MYH1: variants seen among roughly 807,000 people sequenced by gnomAD.
MYH1 encodes myosin-1.
MYH1 carries 214 observed loss-of-function variants against 225.6 expected under a neutral mutation model. The observed-to-expected ratio is 0.95, with a 90% confidence interval of 0.85 to 1.06. The LOEUF is 1.06. Among genes scored for constraint, MYH1 ranks in the 50% least tolerant of loss-of-function variants. The pLI is 0.00. For missense variants in MYH1, 2,098 were observed against 2,344.2 expected (o/e 0.89, Z 2.17); for synonymous variants, 774 against 842.3 (o/e 0.92, Z 1.40).
intron 24 of MYH1, among the ~76,000 whole-genome samples, chr17:10,502,487 G>T (rs1451367230): frequency 6.6e-6 from 1 of 152,058 alleles, no homozygotes; most frequent in Non-Finnish European, 1.5e-5. Context: ...TTTTCTTTGT[G>T]AACACATTAA....
In MYH1 at chr17:10,516,212, G is replaced by A. The variant is rs759178467; in HGVS notation, c.335C>T (p.Ala112Val). Reference sequence around the variant, plus strand: ...GAAAGAACTCACGTAGATCATCCAGGCTGCGTAGCGCTCTTTGAGGTTGTA... The same window carrying A: ...GAAAGAACTCACGTAGATCATCCAGACTGCGTAGCGCTCTTTGAGGTTGTA... ...VLYNLKERYA[A>V]WMIYTYSGLF... The change falls in exon 4 of 40, where the codon GCC becomes GTC. Residue 112 changes from alanine to valine, a missense_variant. Transcript: ENST00000226207. 10 of 1,614,154 alleles carry A rather than the reference G, an allele frequency of 6.2e-6. No homozygotes were observed. Among genetic ancestry groups the A allele is most frequent in the Non-Finnish European group, 8.5e-6 (10 of 1,180,018 alleles).
At chr17:10,514,225 A>G (rs963055427) in intron 6 of MYH1, 101 bp from the exon 7 acceptor site, 76 of 1,372,064 alleles carry the variant, frequency 5.5e-5, no homozygotes, top group Middle Eastern at 1.8e-4. Flanking sequence ...AGCCTTTTAC[A>G]TCTTTCTTTT....
chr17:10,497,342 AT>A lies in MYH1; in HGVS notation c.4475del (p.Tyr1492LeufsTer5), dbSNP rs760054188. ...TTTCAAGTTGGTCTAAAGATTCCTC[AT>A]AAGCATTCTTAATCTTAAATAGTTC... ...STELFKIKNA[Y>X]EESLDQLETL... is the part of the protein sequence containing the mutation. On this transcript the variant is annotated frameshift_variant, in exon 32 of 40. Coordinates refer to ENST00000226207, the MANE Select transcript of MYH1 (RefSeq NM_005963.4). LOFTEE classifies it high-confidence loss of function. The A allele has an allele frequency of 6.2e-7, 1 of 1,613,300 alleles. No individual in the cohort carries two copies. The highest frequency in any genetic ancestry group is 1.3e-5 in the African/African-American group (1 of 75,040).
At chr17:10,494,264 C>T in intron 39 of MYH1, 90 bp downstream of exon 39, 3 of 1,276,294 alleles carry the variant, frequency 2.4e-6, no homozygotes, top group Non-Finnish European at 3.3e-6. Context: ...TTTGATCCTT[C>T]CTCATTTTAC....
At position 10,515,974 on chromosome 17, in the gene MYH1, G is replaced by A. The variant is rs774469687; in HGVS notation, c.457C>T (p.Pro153Ser). ...TTGTCAGAGATGGAGAAGATGTGGG[G>A]TGGGGCCTCCTGGCGCTTTTTGCCT... ...YRGKKRQEAP[P>S]HIFSISDNAY... The change falls in exon 5 of 40, where the codon CCC (proline) becomes TCC (serine). Residue 153 changes from proline to serine, a missense_variant. Physicochemically the swap from Pro to Ser is moderately conservative, Grantham distance 74. Coordinates refer to ENST00000226207, the MANE Select transcript of MYH1 (RefSeq NM_005963.4). 6 of 1,614,092 alleles carry A rather than the reference G, an allele frequency of 3.7e-6. No individual in the cohort carries two copies. The highest frequency in any genetic ancestry group is 5.1e-6 in the Non-Finnish European group (6 of 1,180,056).
intron 39 of MYH1, 119 bp downstream of exon 39, chr17:10,494,235 A>G: frequency 1.0e-6 from 1 of 980,656 alleles, no homozygotes; most frequent in Non-Finnish European, 1.5e-6. Flanking sequence ...TTGGACCTCC[A>G]TGTAGCCATT....
chr17:10,512,734 C>T lies in MYH1; in HGVS notation c.955G>A (p.Gly319Arg). ...TCAATGCTGGGCACTGTGATCTCCCCTTGACTGACGAAGGCATAATCGTAT... is the reference window on the plus strand; with the variant it reads ...TCAATGCTGGGCACTGTGATCTCCCTTTGACTGACGAAGGCATAATCGTAT... Reference protein sequence around the residue: ...NPYDYAFVSQGEITVPSIDDQ... With the variant: ...NPYDYAFVSQREITVPSIDDQ... Residue 319 changes from glycine to arginine, a missense_variant, in exon 11 of 40, where the codon GGG becomes AGG. Physicochemically the swap from Gly to Arg is moderately radical, Grantham distance 125 (BLOSUM62 -2). Transcript: ENST00000226207. 1 of 1,613,960 alleles carries T rather than the reference C, an allele frequency of 6.2e-7. No individual in the cohort carries two copies. Among genetic ancestry groups the T allele is most frequent in the Non-Finnish European group, 8.5e-7 (1 of 1,179,972 alleles).
chr17:10,494,802 A>G (rs1159603834), intron 37 of MYH1, 129 bp from the exon 38 acceptor site: 2 of 1,586,792 alleles, frequency 1.3e-6, no homozygotes, highest in Non-Finnish European at 1.7e-6. Flanking sequence ...CCTTATTATG[A>G]GCTTTTGGGC....
At chr17:10,508,025 T>TG in intron 16 of MYH1, 69 bp from the exon 17 acceptor site, 2 of 1,368,060 alleles carry the variant, frequency 1.5e-6, no homozygotes, top group Non-Finnish European at 2.0e-6. Context: ...TTTGTTTTTT[T>TG]TTGTTTTTTT....
In MYH1 at chr17:10,497,880, G is replaced by GT. The variant is rs1355248285; in HGVS notation, c.4218dup (p.His1407ThrfsTer13). ...CATTTGGCATTCACAGCTTCTACAT[G>GT]TTCCTCAGCATCCTGCAGACGCTGA... On this transcript the variant is annotated frameshift_variant, in exon 31 of 40. Transcript: ENST00000226207. LOFTEE classifies it high-confidence loss of function. 15 of 1,611,340 alleles carry GT rather than the reference G, an allele frequency of 9.3e-6. 1 individual carries two copies. In the South Asian group the frequency reaches 1.7e-4, roughly 18 times the overall value.
At position 10,515,958 on chromosome 17, in the gene MYH1, A is replaced by G. The variant is rs2073222277; in HGVS notation, c.473T>C (p.Ile158Thr). Reference protein sequence around the residue: ...RQEAPPHIFSISDNAYQFMLT... With the variant: ...RQEAPPHIFSTSDNAYQFMLT... ...CATGAACTGATAGGCATTGTCAGAG[A>G]TGGAGAAGATGTGGGGTGGGGCCTC... The change falls in exon 5 of 40, where the codon ATC (isoleucine) becomes ACC (threonine). Residue 158 changes from isoleucine (I) to threonine (T), a missense_variant. By Grantham distance (89) the Ile-to-Thr change is moderately conservative. Transcript: ENST00000226207. The G allele has an allele frequency of 1.2e-6, 2 of 1,614,036 alleles. No individual in the cohort carries two copies. Among genetic ancestry groups the G allele is most frequent in the African/African-American group, 1.3e-5 (1 of 74,922 alleles).
intron 32 of MYH1, 27 bp downstream of exon 32, chr17:10,497,260 G>T: frequency 1.3e-6 from 2 of 1,591,400 alleles, no homozygotes; most frequent in South Asian, 1.2e-5. Context: ...ATCTTTTATT[G>T]TTAAAGAAAA....
At chr17:10,494,490 A>G in intron 38 of MYH1, 41 bp from the exon 39 acceptor site, 1 of 1,611,504 alleles carries the variant, frequency 6.2e-7, no homozygotes, top group South Asian at 1.1e-5. Flanking sequence ...TGAAAGTACA[A>G]ATATTACATT....
rs1413124043 is a variant in MYH1, at chr17:10,501,385, C to T, written c.3463G>A (p.Glu1155Lys). Residue 1155 changes from glutamate (E) to lysine (K), a missense_variant, in exon 27 of 40, where the codon GAA (glutamate) becomes AAA (lysine). Transcript: ENST00000226207. ...RELEEISERLEEAGGATSAQI... is the reference protein window; with the variant it reads ...RELEEISERLKEAGGATSAQI... ...GCTGAGGTGGCCCCACCGGCTTCTT[C>T]CAGCCTCTCGCTGATCTCCTCCAGC... 1 of 1,614,172 alleles carries T rather than the reference C, an allele frequency of 6.2e-7. No individual in the cohort carries two copies.
Position 10,506,115 on chromosome 17 carries a change from AGT to A in MYH1, c.1969-18_1969-17del, listed in dbSNP as rs1316839699. ...TCAAATTCTCCTGTGGAACCATGCG[AGT>A]TTATACTTTAAAAAATGTACTGTTT... On this transcript the variant is annotated splice_polypyrimidine_tract_variant and intron_variant, in intron 17 of 39. Transcript: ENST00000226207. 1 of 1,613,836 alleles carries A rather than the reference AGT, an allele frequency of 6.2e-7. No individual in the cohort carries two copies. The highest frequency in any genetic ancestry group is 1.3e-5 in the African/African-American group (1 of 74,932).
At chr17:10,502,034 C>A (rs1482485383) in intron 24 of MYH1, 123 bp from the exon 25 acceptor site, 1 of 964,312 alleles carries the variant, frequency 1.0e-6, no homozygotes, top group African/African-American at 1.7e-5. Flanking sequence ...AGATTTGTCC[C>A]ATTGATTCCA....
rs536145928 is a variant in MYH1 at position 10,495,856 on chromosome 17, AT to A, written c.5169+93del. ...TATTTTAAACTTTATCCTTCATGAAATCTTATAAATAGATTTCTTAATAGTA... is the reference window on the plus strand; with the variant it reads ...TATTTTAAACTTTATCCTTCATGAAACTTATAAATAGATTTCTTAATAGTA... On this transcript the variant is annotated intron_variant, in intron 35 of 39. Coordinates refer to ENST00000226207, the MANE Select transcript of MYH1 (RefSeq NM_005963.4). The A allele has an allele frequency of 1.8e-3, 2,619 of 1,442,528 alleles. 1 individual carries two copies. Among genetic ancestry groups the A allele is most frequent in the Non-Finnish European group, 2.2e-3 (2,366 of 1,068,766 alleles). The allele number at this position is 1,442,528 out of a possible 1,614,324, so 89.4% of individuals were successfully genotyped here.
intron 17 of MYH1, among the ~76,000 whole-genome samples, chr17:10,506,771 G>A (rs1206747706): frequency 1.3e-5 from 2 of 152,162 alleles, no homozygotes; most frequent in Non-Finnish European, 2.9e-5. Context: ...GGGATTACAG[G>A]CATGAGCCAT....
At chr17:10,494,794 T>C in intron 37 of MYH1, 121 bp from the exon 38 acceptor site, 2 of 1,584,288 alleles carry the variant, frequency 1.3e-6, no homozygotes, top group Non-Finnish European at 1.7e-6. Context: ...TCAGTTTTCC[T>C]TATTATGAGC....
Sources: allele counts gnomAD v4.1 joint callset (sites outside exome capture counted in the v4.1 genomes callset), GRCh38; gene constraint gnomAD v4.1.1; transcripts MANE v1.5; gene names NCBI Gene and HGNC (gene_info 2026-07-23, HGNC 2026-07-21).